ATXN1: variants seen among roughly 807,000 people sequenced by gnomAD.
ATXN1 encodes ataxin 1.
In ATXN1, 8 loss-of-function variants were observed where a neutral mutation model predicts 56.4. The ratio of observed to expected loss-of-function variants is 0.14; its 90% confidence interval spans 0.08 to 0.26. The LOEUF is 0.26. Ranked by LOEUF, ATXN1 falls within the 10% of genes least tolerant of loss-of-function variation. The pLI, the probability that ATXN1 is intolerant of heterozygous loss-of-function variation, is 1.00. For synonymous variants in ATXN1, 514 were observed against 494.6 expected, an observed-to-expected ratio of 1.04 and a Z score of -0.52; for missense variants, 987 against 1,106.5, an observed-to-expected ratio of 0.89 and a Z score of 1.53.
intron 3 of ATXN1, among the ~76,000 whole-genome samples, chr6:16,629,396 C>T (rs1292212396): frequency 1.3e-5 from 2 of 152,076 alleles, no homozygotes; most frequent in Non-Finnish European, 2.9e-5. Context: ...GGTGCAATCT[C>T]GGCTCACTGC....
chr6:16,403,583 T>C (rs1007613435), intron 6 of ATXN1, among the ~76,000 whole-genome samples: 1 of 152,194 alleles, frequency 6.6e-6, no homozygotes, highest in Admixed American at 6.5e-5. Context: ...ACTCTTGAGC[T>C]CAAGTGATCC....
chr6:16,554,676 A>G, intron 4 of ATXN1, among the ~76,000 whole-genome samples: 1 of 146,612 alleles, frequency 6.8e-6, no homozygotes, highest in Admixed American at 6.8e-5. Flanking sequence ...CTAGTCTCGA[A>G]CTCCTGACCT....
chr6:16,302,025 CAA>C lies in ATXN1; in HGVS notation c.*4302_*4303del, dbSNP rs749254120. ...ATATTTCAGTAAAGATCAAACTGTGCAAAGAGTGGATTTTATGATTACTAGGA... is the reference window on the plus strand; with the variant it reads ...ATATTTCAGTAAAGATCAAACTGTGCAGAGTGGATTTTATGATTACTAGGA... On this transcript the variant is annotated 3_prime_UTR_variant, in exon 8 of 8. Coordinates refer to ENST00000436367, the MANE Select transcript of ATXN1 (RefSeq NM_001128164.2). The C allele has an allele frequency of 6.5e-5, 10 of 152,710 alleles. No individual in the cohort carries two copies. The highest frequency in any genetic ancestry group is 2.4e-4 in the African/African-American group (10 of 41,548). 9.5% of individuals were successfully genotyped at this position (152,710 alleles called of 1,614,324 possible).
At chr6:16,408,748 A>G (rs1018776472) in intron 6 of ATXN1, among the ~76,000 whole-genome samples, 2 of 152,230 alleles carry the variant, frequency 1.3e-5, no homozygotes, top group African/African-American at 4.8e-5. Context: ...CCAATTTTAA[A>G]AAACCTGTTT....
intron 2 of ATXN1, among the ~76,000 whole-genome samples, chr6:16,731,072 G>A (rs1253781374): frequency 2.0e-5 from 3 of 152,146 alleles, no homozygotes; most frequent in Admixed American, 6.5e-5. Flanking sequence ...ACATATGCAT[G>A]TAAAACTCCC....
chr6:16,651,694 A>T (rs1262434315), intron 3 of ATXN1, among the ~76,000 whole-genome samples: 1 of 152,228 alleles, frequency 6.6e-6, no homozygotes, highest in Non-Finnish European at 1.5e-5. Context: ...CAAATTGAAG[A>T]CACCTATGTG....
intron 6 of ATXN1, among the ~76,000 whole-genome samples, chr6:16,440,513 C>T (rs1295602283): frequency 2.7e-5 from 4 of 150,506 alleles, no homozygotes; most frequent in African/African-American, 7.4e-5. Flanking sequence ...TACATACATA[C>T]ACCTTTAGTC....
At chr6:16,315,619 C>T (rs950193417) in intron 7 of ATXN1, among the ~76,000 whole-genome samples, 1 of 152,130 alleles carries the variant, frequency 6.6e-6, no homozygotes, top group African/African-American at 2.4e-5. Flanking sequence ...AGAGAGAACT[C>T]CCCTGACAGT....
chr6:16,681,488 C>T (rs111666021), intron 2 of ATXN1, among the ~76,000 whole-genome samples: 3 of 152,308 alleles, frequency 2.0e-5, no homozygotes, highest in African/African-American at 7.2e-5. Flanking sequence ...CCAATTAGGA[C>T]GATAATTTGG....
chr6:16,421,648 G>A (rs1042965878), intron 6 of ATXN1, among the ~76,000 whole-genome samples: 1 of 149,302 alleles, frequency 6.7e-6, no homozygotes, highest in Non-Finnish European at 1.5e-5. Flanking sequence ...AGTTTCACAC[G>A]GGAGGGTGGG....
intron 6 of ATXN1, among the ~76,000 whole-genome samples, chr6:16,435,024 C>A (rs1430959466): frequency 6.6e-6 from 1 of 152,078 alleles, no homozygotes; most frequent in Non-Finnish European, 1.5e-5. Context: ...GAGATTGCAT[C>A]AGTAGGACTT....
intron 1 of ATXN1, among the ~76,000 whole-genome samples, chr6:16,756,615 T>C (rs994662629): frequency 1.3e-5 from 2 of 152,184 alleles, no homozygotes; most frequent in Non-Finnish European, 2.9e-5. Context: ...TCATTCGAAC[T>C]ATTGAATTAC....
intron 6 of ATXN1, among the ~76,000 whole-genome samples, chr6:16,342,172 T>G (rs1036790322): frequency 3.3e-5 from 5 of 152,072 alleles, no homozygotes; most frequent in African/African-American, 9.7e-5. Context: ...CGTGAGCCAC[T>G]GAGCCCGGCC....
chr6:16,554,867 A>G (rs1319038774), intron 4 of ATXN1, among the ~76,000 whole-genome samples: 1 of 152,228 alleles, frequency 6.6e-6, no homozygotes, highest in Non-Finnish European at 1.5e-5. Context: ...CTGAGATTAC[A>G]AGCATGAGCC....
intron 4 of ATXN1, among the ~76,000 whole-genome samples, chr6:16,546,020 C>T (rs1761808306): frequency 6.6e-6 from 1 of 152,152 alleles, no homozygotes. Context: ...TAGGAACAGA[C>T]CAAAGCAAAG....
chr6:16,555,775 C>T (rs1458918109), intron 4 of ATXN1, among the ~76,000 whole-genome samples: 1 of 152,184 alleles, frequency 6.6e-6, no homozygotes, highest in East Asian at 1.9e-4. Flanking sequence ...AGCCTAAACT[C>T]CTTTTGTTTA....
intron 6 of ATXN1, among the ~76,000 whole-genome samples, chr6:16,427,684 C>G (rs1190078157): frequency 6.6e-6 from 1 of 152,194 alleles, no homozygotes; most frequent in African/African-American, 2.4e-5. Flanking sequence ...GTGTTGAGCT[C>G]TAGAAGCCAG....
chr6:16,672,330 GA>G (rs891373603), intron 2 of ATXN1, among the ~76,000 whole-genome samples: 10 of 150,446 alleles, frequency 6.6e-5, no homozygotes, highest in Admixed American at 2.0e-4. Flanking sequence ...TATACCACAG[GA>G]AAAAAAAAGG....
rs10701438 is a variant in ATXN1, at chr6:16,679,276, GTGGATGGATGGA to G, written c.-614-21387_-614-21376del. 3.9e-4 allele frequency among the ~76,000 whole-genome samples: 54 copies of G among 138,306 alleles called. 1 individual carries two copies. The highest frequency in any genetic ancestry group is 9.5e-4 in the South Asian group (4 of 4,214). The allele number at this position is 138,306 out of a possible 152,430, so 90.7% of individuals were successfully genotyped here. A position where few individuals can be genotyped will look rare whatever the true frequency, so the allele number is the denominator to read the frequency against. On this transcript the variant is annotated intron_variant, in intron 2 of 7. Coordinates refer to ENST00000436367, the MANE Select transcript of ATXN1 (RefSeq NM_001128164.2). ...GATGGATGGATGGATGAGTTAGTGGGTGGATGGATGGATGGATGGATGGATGGATGGATGGAT... is the reference window on the plus strand; with the variant it reads ...GATGGATGGATGGATGAGTTAGTGGGTGGATGGATGGATGGATGGATGGAT...
Sources: allele counts gnomAD v4.1 joint callset (sites outside exome capture counted in the v4.1 genomes callset), GRCh38; gene constraint gnomAD v4.1.1; transcripts MANE v1.5; gene names NCBI Gene and HGNC (gene_info 2026-07-23, HGNC 2026-07-21).